Variants in EDDM13 observed in about 807,000 individuals in gnomAD.
EDDM13 encodes epididymal protein 13.
EDDM13 carries 24 observed loss-of-function variants against 17.8 expected under a neutral mutation model. The observed-to-expected ratio is 1.35, with a 90% CI of 0.98 to 1.90. The LOEUF (loss-of-function observed/expected upper bound fraction) is 1.90. Among genes scored for constraint, EDDM13 ranks in the 40% most tolerant of loss-of-function variants. The pLI is 0.00. For synonymous variants in EDDM13, 31 were observed against 37.5 expected (o/e 0.83, Z 0.63); for missense variants, 97 against 100.8 (o/e 0.96, Z 0.16).
At chr19:56,291,445 C>G (rs2039502846) in intron 9 of EDDM13, among the ~76,000 whole-genome samples, 1 of 152,188 alleles carries the variant, frequency 6.6e-6, no homozygotes, top group African/African-American at 2.4e-5. Flanking sequence ...TCGCATTAAT[C>G]TGGAAGACAC....
chr19:56,277,267 C>G (rs2038335144), intron 2 of EDDM13, among the ~76,000 whole-genome samples: 1 of 152,170 alleles, frequency 6.6e-6, no homozygotes, highest in Non-Finnish European at 1.5e-5. Context: ...TAAGAGCTAG[C>G]AAGTGAAGGT....
At chr19:56,289,129 T>TGTA (rs61082580) in intron 8 of EDDM13, among the ~76,000 whole-genome samples, 64 of 152,278 alleles carry the variant, frequency 4.2e-4, no homozygotes, top group African/African-American at 1.4e-3. Context: ...AGCCCTGGTT[T>TGTA]GTAGCGACTA....
chr19:56,293,534 G>A (rs2039657673), intron 9 of EDDM13, among the ~76,000 whole-genome samples: 1 of 152,122 alleles, frequency 6.6e-6, no homozygotes, highest in South Asian at 2.1e-4. Flanking sequence ...TGCACTGTGG[G>A]CGCCGGTCCT....
In EDDM13 at chr19:56,302,557, C is replaced by T. The variant is rs377207853; in HGVS notation, c.423+462C>T. 2.6e-5 allele frequency among the ~76,000 whole-genome samples: 3 copies of T among 113,852 alleles called. No homozygotes were observed. In the East Asian group the frequency reaches 8.0e-4, roughly 31 times the overall value. The allele number at this position is 113,852 out of a possible 152,430, so 74.7% of individuals were successfully genotyped here. A position where few individuals can be genotyped will look rare whatever the true frequency, so the allele number is the denominator to read the frequency against. On this transcript the variant is annotated intron_variant, in intron 13 of 14. Transcript: ENST00000649256. ...CTTCTTCCTCCCCGTTCCTCCCTCC[C>T]TCCCCCCTTCCTTTTCTTCCTCCCC...
intron 2 of EDDM13, among the ~76,000 whole-genome samples, chr19:56,279,392 T>C (rs1281251239): frequency 3.3e-5 from 5 of 152,140 alleles, no homozygotes; most frequent in African/African-American, 1.2e-4. Flanking sequence ...TAGCGCTCAG[T>C]AGGACTAAAT....
chr19:56,280,938 G>T (rs892533373), intron 2 of EDDM13, among the ~76,000 whole-genome samples: 11 of 152,154 alleles, frequency 7.2e-5, no homozygotes, highest in South Asian at 2.1e-4. Flanking sequence ...CAATGTGAGA[G>T]TTAGGGGCAC....
intron 2 of EDDM13, chr19:56,280,662 G>A (rs2038622700): frequency 6.6e-6 from 1 of 152,190 alleles, no homozygotes; most frequent in African/African-American, 2.4e-5. Flanking sequence ...CCAAGATTGA[G>A]GGGTTGGCAT....
chr19:56,285,267 C>G (rs1442802233), intron 6 of EDDM13, among the ~76,000 whole-genome samples: 1 of 152,116 alleles, frequency 6.6e-6, no homozygotes, highest in Admixed American at 6.5e-5. Flanking sequence ...ATAGCATATG[C>G]ACATGGGAAA....
intron 13 of EDDM13, among the ~76,000 whole-genome samples, chr19:56,302,371 TTCCTCCTTCTCTC>T: frequency 7.3e-6 from 1 of 137,864 alleles, no homozygotes; most frequent in African/African-American, 2.7e-5. Flanking sequence ...CCTCCCTTAC[TTCCTCCTTCTCTC>T]TCCTCCCTCC....
intron 13 of EDDM13, chr19:56,302,714 C>A: frequency 2.1e-5 from 5 of 237,312 alleles, no homozygotes; most frequent in East Asian, 7.7e-5. Context: ...TTTCCTTCTT[C>A]CCTCCCTCCC....
rs530673725 is a variant in EDDM13, at chr19:56,283,533, T to A, written c.119-665T>A. ...GTTAGGCATTAACTACCAGACGATT[T>A]TCAGTGATACCGAGAAAGGTGTTGC... On this transcript the variant is annotated intron_variant, in intron 4 of 14. Transcript: ENST00000649256. 2.6e-5 allele frequency: 4 copies of A among 152,316 alleles called. No homozygotes were observed. In the East Asian group the frequency reaches 5.8e-4, roughly 22 times the overall value. The allele number at this position is 152,316 out of a possible 1,614,324, so 9.4% of individuals were successfully genotyped here. A position where few individuals can be genotyped will look rare whatever the true frequency, so the allele number is the denominator to read the frequency against.
chr19:56,287,240 G>A (rs1278126077), intron 6 of EDDM13, among the ~76,000 whole-genome samples: 1 of 152,218 alleles, frequency 6.6e-6, no homozygotes, highest in Non-Finnish European at 1.5e-5. Flanking sequence ...CCTGGAAGTA[G>A]AACTCTCCTC....
At chr19:56,305,140 C>A (rs985505292) in intron 14 of EDDM13, among the ~76,000 whole-genome samples, 10 of 152,150 alleles carry the variant, frequency 6.6e-5, no homozygotes, top group Admixed American at 5.9e-4. Context: ...ATAAAATTAA[C>A]CATTAGTGAC....
chr19:56,298,539 G>A (rs2040027509), intron 12 of EDDM13, among the ~76,000 whole-genome samples: 1 of 151,864 alleles, frequency 6.6e-6, no homozygotes, highest in African/African-American at 2.4e-5. Flanking sequence ...TGTAGTCCCA[G>A]CTACTCGGGA....
chr19:56,294,001 A>G (rs1163834489), intron 9 of EDDM13, among the ~76,000 whole-genome samples: 1 of 152,234 alleles, frequency 6.6e-6, no homozygotes, highest in Non-Finnish European at 1.5e-5. Flanking sequence ...CCATGTCTGC[A>G]GGAGGCCCCT....
intron 6 of EDDM13, 36 bp downstream of exon 6, chr19:56,285,060 T>G (rs1211687477): frequency 1.3e-4 from 123 of 980,138 alleles, no homozygotes; most frequent in Non-Finnish European, 1.5e-4. Context: ...AACCTGGTCT[T>G]TCTCTTGTCC....
chr19:56,303,402 T>A (rs899615481), intron 13 of EDDM13, among the ~76,000 whole-genome samples: 1 of 150,702 alleles, frequency 6.6e-6, no homozygotes, highest in African/African-American at 2.4e-5. Context: ...CACTTGAACC[T>A]GGGAAGCAGA....
chr19:56,308,352 C>T (rs2040834956), intron 14 of EDDM13, among the ~76,000 whole-genome samples: 2 of 140,012 alleles, frequency 1.4e-5, no homozygotes, highest in African/African-American at 5.3e-5. Context: ...GAGATGGAGG[C>T]TCACTCTGTC....
chr19:56,293,364 T>G (rs773811508), intron 9 of EDDM13, among the ~76,000 whole-genome samples: 16 of 152,288 alleles, frequency 1.1e-4, no homozygotes, highest in Admixed American at 9.8e-4. Context: ...AACGGTGCTA[T>G]TAAACAATGC....
Sources: gnomAD v4.1 joint callset for allele counts (sites outside exome capture counted in the v4.1 genomes callset) on GRCh38, gnomAD v4.1.1 for gene constraint, MANE v1.5 for transcripts, NCBI Gene and HGNC (gene_info 2026-07-23, HGNC 2026-07-21) for gene names.